OTOG: variants seen among roughly 807,000 people sequenced by gnomAD.
OTOG encodes the protein otogelin.
In OTOG, 296 loss-of-function variants were observed where a neutral mutation model predicts 313.8. The observed-to-expected ratio is 0.94, with a 90% CI of 0.86 to 1.04. The LOEUF is 1.04. Ranked by LOEUF, OTOG falls within the 50% of genes least tolerant of loss-of-function variation. OTOG has a pLI of 0.00. For missense variants in OTOG, 3,948 were observed against 3,840.1 expected, an observed-to-expected ratio of 1.03 and a Z score of -0.74; for synonymous variants, 1,533 against 1,554.9, an observed-to-expected ratio of 0.99 and a Z score of 0.33.
In OTOG at chr11:17,631,750, C is replaced by A; in HGVS notation, c.6761C>A (p.Ser2254Ter). Residue 2254 changes from serine (S) to a stop codon, truncating the protein, a stop_gained, in exon 41 of 56, where the codon TCA becomes TAA. Transcript: ENST00000399397. LOFTEE classifies it high-confidence loss of function. Reference sequence around the variant, plus strand: ...AATGACCTTACCCTGAAGGATGGCTCAGTGGTGGGTGGGGCTGAGGACCCT... The same window carrying A: ...AATGACCTTACCCTGAAGGATGGCTAAGTGGTGGGTGGGGCTGAGGACCCT... Reference protein sequence around the residue: ...AANDLTLKDGSVVGGAEDPAP... With the variant: ...AANDLTLKDG 1.3e-6 allele frequency: 2 copies of A among 1,550,618 alleles called. No individual in the cohort carries two copies. The highest frequency in any genetic ancestry group is 1.7e-6 in the Non-Finnish European group (2 of 1,147,006).
At chr11:17,578,236 A>G in intron 22 of OTOG, 137 bp from the exon 23 acceptor site, 3 of 1,389,386 alleles carry the variant, frequency 2.2e-6, no homozygotes, top group Non-Finnish European at 2.8e-6. Context: ...TGGGAAACCA[A>G]GCAATGCCCA....
intron 32 of OTOG, among the ~76,000 whole-genome samples, 186 bp downstream of exon 32, chr11:17,602,563 C>T (rs1417569185): frequency 6.6e-6 from 1 of 152,164 alleles, no homozygotes; most frequent in Non-Finnish European, 1.5e-5. Flanking sequence ...TGCTCTCCAT[C>T]TGCTCCCCTA....
rs1333230392 is a variant in OTOG at position 17,594,173 on chromosome 11, CCT to C, written c.3408+12_3408+13del. On this transcript the variant is annotated splice_region_variant and intron_variant, in intron 28 of 55. Transcript: ENST00000399397. ...CAGTTGGGCTGCAGTTGAGGTAAAG[CCT>C]CTCTTCCAGGCTGGCTTATGCCCCT... 6.4e-7 allele frequency: 1 copy of C among 1,550,644 alleles called. No homozygotes were observed. The highest frequency in any genetic ancestry group is 1.2e-5 in the South Asian group (1 of 84,062).
Position 17,599,698 on chromosome 11 carries a change from G to A in OTOG, c.3709+1G>A. Reference sequence around the variant, plus strand: ...TATGACTGTGACTTCTTTAACAAAGGTAAGCCCCTCCTCCCCACGCAGAGT... The same window carrying A: ...TATGACTGTGACTTCTTTAACAAAGATAAGCCCCTCCTCCCCACGCAGAGT... On this transcript the variant is annotated splice_donor_variant, in intron 31 of 55. Coordinates refer to ENST00000399397, the MANE Select transcript of OTOG (RefSeq NM_001292063.2). LOFTEE classifies it high-confidence loss of function. 1 of 1,550,618 alleles carries A rather than the reference G, an allele frequency of 6.4e-7. No homozygotes were observed. The highest frequency in any genetic ancestry group is 1.2e-5 in the South Asian group (1 of 84,060).
intron 3 of OTOG, among the ~76,000 whole-genome samples, chr11:17,550,581 C>T (rs759435307): frequency 1.1e-4 from 17 of 152,210 alleles, no homozygotes; most frequent in Non-Finnish European, 2.1e-4. Context: ...GTCTCATCCT[C>T]ATGACTCATT....
rs1172610493 is a variant in OTOG at position 17,610,497 on chromosome 11, C to T, written c.5197C>T (p.Pro1733Ser). The change falls in exon 36 of 56, where the codon CCC becomes TCC. Residue 1733 changes from proline to serine, a missense_variant. Transcript: ENST00000399397. The stretch of plus-strand genomic sequence containing the variant: ...GAAGGGCGAAGCCGGGCACAGCCAG[C>T]CCATGGGCTCGCCTGCCTCCCCACA... ...TEKGEAGHSQ[P>S]MGSPASPQPH... 6.4e-7 allele frequency: 1 copy of T among 1,550,620 alleles called. No homozygotes were observed. Among genetic ancestry groups the T allele is most frequent in the Middle Eastern group, 1.7e-4 (1 of 5,992 alleles).
chr11:17,636,492 G>A (rs985763485), intron 47 of OTOG, among the ~76,000 whole-genome samples: 2 of 152,114 alleles, frequency 1.3e-5, no homozygotes, highest in African/African-American at 4.8e-5. Flanking sequence ...CTTCCACCAG[G>A]ACACCCAAGG....
chr11:17,635,564 C>T, intron 46 of OTOG, 46 bp from the exon 47 acceptor site: 2 of 1,455,622 alleles, frequency 1.4e-6, no homozygotes, highest in Non-Finnish European at 1.9e-6. Flanking sequence ...GTGCCAGGCC[C>T]CTATGAGAGG....
chr11:17,576,449 C>T (rs1852527761), intron 20 of OTOG, 107 bp from the exon 21 acceptor site: 1 of 848,956 alleles, frequency 1.2e-6, no homozygotes, highest in South Asian at 1.4e-5. Context: ...TTACTTTTCC[C>T]TGTGTCCTTA....
At chr11:17,622,727 C>T (rs955164322) in intron 39 of OTOG, among the ~76,000 whole-genome samples, 3 of 152,108 alleles carry the variant, frequency 2.0e-5, no homozygotes, top group Admixed American at 2.0e-4. Context: ...TGTATAAGTA[C>T]CACATTTTCT....
intron 36 of OTOG, 135 bp from the exon 37 acceptor site, chr11:17,612,027 G>A (rs1352776060): frequency 4.6e-6 from 5 of 1,075,650 alleles, no homozygotes; most frequent in African/African-American, 1.6e-5. Context: ...TGGGTAGGGG[G>A]TGAGGGCCTC....
In OTOG at chr11:17,641,854, A is replaced by T; in HGVS notation, c.8198A>T (p.Glu2733Val). The change falls in exon 52 of 56, where the codon GAG becomes GTG. Residue 2733 changes from glutamate (E) to valine (V), a missense_variant. Physicochemically the swap from Glu to Val is moderately radical, Grantham distance 121. Transcript: ENST00000399397. The part of the protein sequence containing the change: ...LCDIHCEANQ[E>V]YEHPRDLAAC... ...CCCCGCCCTGGCCTGTAGAACCAGGAGTACGAGCACCCGCGGGACCTCGCT... is the reference window on the plus strand; with the variant it reads ...CCCCGCCCTGGCCTGTAGAACCAGGTGTACGAGCACCCGCGGGACCTCGCT... 6.5e-7 allele frequency: 1 copy of T among 1,549,634 alleles called. No individual in the cohort carries two copies. The highest frequency in any genetic ancestry group is 1.2e-5 in the South Asian group (1 of 83,908).
At position 17,624,954 on chromosome 11, in the gene OTOG, G is replaced by A. The variant is rs546040651; in HGVS notation, c.6529-4179G>A. Among the ~76,000 whole-genome samples the A allele has an allele frequency of 7.9e-5, 12 of 152,194 alleles. No individual in the cohort carries two copies. The East Asian group carries it at 2.3e-3, about 29-fold the overall frequency. ...GATTGCCTTCCTGATTTGGCTCTCG[G>A]CTTAGCTATTGTTGGTATATAGGAA... On this transcript the variant is annotated intron_variant, in intron 39 of 55. Coordinates refer to ENST00000399397, the MANE Select transcript of OTOG (RefSeq NM_001292063.2).
chr11:17,588,226 T>G (rs146363728), intron 24 of OTOG, among the ~76,000 whole-genome samples: 2 of 152,258 alleles, frequency 1.3e-5, no homozygotes, highest in African/African-American at 4.8e-5. Flanking sequence ...AAATTCTACC[T>G]CCTAATACAG....
At chr11:17,638,707 G>T (rs1211444929) in intron 48 of OTOG, 158 bp downstream of exon 48, 3 of 1,529,386 alleles carry the variant, frequency 2.0e-6, no homozygotes, top group African/African-American at 1.4e-5. Flanking sequence ...TTCTGCATCC[G>T]CACTCCAAGT....
intron 6 of OTOG, among the ~76,000 whole-genome samples, chr11:17,554,529 C>T (rs984853819): frequency 1.1e-4 from 17 of 152,236 alleles, no homozygotes; most frequent in Admixed American, 7.8e-4. Context: ...AGAACCAGCT[C>T]TGTTGGAGGG....
chr11:17,608,537 A>G (rs1401754279), intron 34 of OTOG, 124 bp downstream of exon 34: 1 of 646,896 alleles, frequency 1.5e-6, no homozygotes, highest in Non-Finnish European at 2.5e-6. Flanking sequence ...TACCACGGTA[A>G]CTGTGTCTTT....
intron 34 of OTOG, 84 bp from the exon 35 acceptor site, chr11:17,609,046 A>T (rs775709226): frequency 1.8e-6 from 2 of 1,090,810 alleles, no homozygotes; most frequent in Non-Finnish European, 2.7e-6. Context: ...ATAAGAAAGG[A>T]TAAGGCCTGT....
chr11:17,641,211 G>T, intron 51 of OTOG, 120 bp downstream of exon 51: 1 of 1,144,004 alleles, frequency 8.7e-7, no homozygotes, highest in South Asian at 1.6e-5. Flanking sequence ...CAAGTCAGAG[G>T]GGCCCTCAGA....
Sources: gnomAD v4.1 joint callset for allele counts (sites outside exome capture counted in the v4.1 genomes callset) on GRCh38, gnomAD v4.1.1 for gene constraint, MANE v1.5 for transcripts, NCBI Gene and HGNC (gene_info 2026-07-23, HGNC 2026-07-21) for gene names.